SCAPER: variants seen among roughly 807,000 people sequenced by gnomAD.
SCAPER encodes S phase cyclin A-associated protein in the endoplasmic reticulum.
SCAPER carries 98 observed loss-of-function variants against 182.2 expected under a neutral mutation model. The observed-to-expected ratio is 0.54, with a 90% CI of 0.46 to 0.64. SCAPER has a LOEUF of 0.64. Ranked by LOEUF, SCAPER falls within the 30% of genes least tolerant of loss-of-function variation. The pLI, the probability that SCAPER is intolerant of heterozygous loss-of-function variation, is 0.00. For missense variants in SCAPER, 1,432 were observed against 1,690.0 expected (o/e 0.85, Z 2.68); for synonymous variants, 605 against 564.6 (o/e 1.07, Z -1.01).
At chr15:76,452,060 T>C (rs1288827089) in intron 25 of SCAPER, among the ~76,000 whole-genome samples, 1 of 152,210 alleles carries the variant, frequency 6.6e-6, no homozygotes, top group Non-Finnish European at 1.5e-5. Context: ...CAGTTCCTAC[T>C]ATTGTCTTCC....
chr15:76,803,329 T>C (rs1001142771), intron 6 of SCAPER, among the ~76,000 whole-genome samples: 2 of 152,216 alleles, frequency 1.3e-5, no homozygotes, highest in African/African-American at 4.8e-5. Context: ...AACTCCTACT[T>C]AACAATTCTG....
At chr15:76,629,507 A>G (rs1245609895) in intron 21 of SCAPER, among the ~76,000 whole-genome samples, 1 of 152,212 alleles carries the variant, frequency 6.6e-6, no homozygotes, top group Non-Finnish European at 1.5e-5. Flanking sequence ...TTCTGTGTCT[A>G]TTGAGATAAT....
At chr15:76,364,373 A>C (rs1264370334) in intron 29 of SCAPER, among the ~76,000 whole-genome samples, 1 of 152,214 alleles carries the variant, frequency 6.6e-6, no homozygotes, top group East Asian at 1.9e-4. Context: ...AGAAGGAAGA[A>C]GGGAAAGAGG....
chr15:76,781,854 C>T (rs2064168815), intron 8 of SCAPER, among the ~76,000 whole-genome samples: 1 of 152,108 alleles, frequency 6.6e-6, no homozygotes, highest in Admixed American at 6.5e-5. Context: ...ATTTTCTCAC[C>T]ACCAGGCCTG....
chr15:76,540,440 G>A (rs536039833), intron 23 of SCAPER, among the ~76,000 whole-genome samples: 1 of 152,022 alleles, frequency 6.6e-6, no homozygotes, highest in Admixed American at 6.6e-5. Context: ...AATCAAAAAA[G>A]GATTAGGTAG....
intron 20 of SCAPER, among the ~76,000 whole-genome samples, chr15:76,689,410 T>C (rs2058221523): frequency 6.6e-6 from 1 of 152,066 alleles, no homozygotes; most frequent in African/African-American, 2.4e-5. Flanking sequence ...AAAACAGATT[T>C]TAATGATTTT....
At chr15:76,691,127 ATAAT>A (rs1187009290) in intron 20 of SCAPER, among the ~76,000 whole-genome samples, 5 of 152,120 alleles carry the variant, frequency 3.3e-5, no homozygotes, top group African/African-American at 9.6e-5. Context: ...TTTGGACCAA[ATAAT>A]TAGTAAATCA....
chr15:76,704,766 A>G (rs547155311), intron 18 of SCAPER, among the ~76,000 whole-genome samples: 73 of 152,318 alleles, frequency 4.8e-4, no homozygotes, highest in African/African-American at 1.6e-3. Context: ...AAAAGAAGAC[A>G]TTTATGCAGC....
intron 23 of SCAPER, among the ~76,000 whole-genome samples, chr15:76,535,521 CAAAAAAAAAAAAAAA>C (rs56660301): frequency 2.1e-5 from 1 of 46,638 alleles, no homozygotes; most frequent in Admixed American, 3.2e-4. Context: ...GACTCTGTCT[CAAAAAAAAAAAAAAA>C]AAAAAAAAAA....
intron 24 of SCAPER, among the ~76,000 whole-genome samples, chr15:76,474,010 C>T (rs540140245): frequency 2.0e-5 from 3 of 152,190 alleles, no homozygotes; most frequent in Admixed American, 2.0e-4. Context: ...CAGGTTTCCT[C>T]TTGTTGGCCA....
At chr15:76,386,014 G>T (rs569756278) in intron 27 of SCAPER, among the ~76,000 whole-genome samples, 1 of 152,280 alleles carries the variant, frequency 6.6e-6, no homozygotes, top group East Asian at 1.9e-4. Flanking sequence ...GAGGATCCAG[G>T]GAAGAATCTG....
intron 29 of SCAPER, among the ~76,000 whole-genome samples, chr15:76,368,664 G>A (rs549654757): frequency 2.6e-5 from 4 of 152,290 alleles, no homozygotes; most frequent in Admixed American, 2.6e-4. Context: ...GGGGGCAAAG[G>A]GGTTAAGGGG....
At chr15:76,767,954 T>C (rs1016702742) in intron 10 of SCAPER, among the ~76,000 whole-genome samples, 1 of 151,908 alleles carries the variant, frequency 6.6e-6, no homozygotes, top group African/African-American at 2.4e-5. Flanking sequence ...GCAAAAAATA[T>C]CACCAGGAAT....
intron 17 of SCAPER, 117 bp downstream of exon 17, chr15:76,728,477 TG>T: frequency 7.4e-7 from 1 of 1,345,082 alleles, no homozygotes; most frequent in Non-Finnish European, 1.0e-6. Flanking sequence ...AAGATCAACC[TG>T]GGGAACATCG....
intron 8 of SCAPER, among the ~76,000 whole-genome samples, chr15:76,776,825 A>G (rs2063773951): frequency 6.6e-6 from 1 of 152,200 alleles, no homozygotes; most frequent in South Asian, 2.1e-4. Context: ...CAAGACCAAG[A>G]ACAATCTCAG....
intron 23 of SCAPER, among the ~76,000 whole-genome samples, chr15:76,530,116 C>T (rs1199556804): frequency 2.0e-5 from 3 of 152,126 alleles, no homozygotes; most frequent in African/African-American, 7.2e-5. Flanking sequence ...TGATCTACTT[C>T]CTAAGTTCTA....
chr15:76,666,325 C>T (rs2056575119), intron 20 of SCAPER, among the ~76,000 whole-genome samples: 2 of 152,170 alleles, frequency 1.3e-5, no homozygotes, highest in Non-Finnish European at 1.5e-5. Context: ...TCTCAGAAAA[C>T]ACATCCTAGA....
intron 26 of SCAPER, among the ~76,000 whole-genome samples, chr15:76,411,812 T>C (rs1171235483): frequency 6.6e-6 from 1 of 152,166 alleles, no homozygotes; most frequent in Non-Finnish European, 1.5e-5. Flanking sequence ...TTTTAGCCGT[T>C]TTATTGGATT....
intron 25 of SCAPER, among the ~76,000 whole-genome samples, chr15:76,463,509 G>T (rs1485161154): frequency 6.6e-6 from 1 of 151,990 alleles, no homozygotes; most frequent in Non-Finnish European, 1.5e-5. Flanking sequence ...AATTATTTAA[G>T]GTTAGTACAT....
Sources: allele counts gnomAD v4.1 joint callset (sites outside exome capture counted in the v4.1 genomes callset), GRCh38; gene constraint gnomAD v4.1.1; transcripts MANE v1.5; gene names NCBI Gene and HGNC (gene_info 2026-07-23, HGNC 2026-07-21).